RUSC2: variants seen among roughly 807,000 people sequenced by gnomAD.
RUSC2 encodes RUN and SH3 domain containing 2.
Under a neutral mutation model 122.2 loss-of-function variants are expected in RUSC2, and 34 were observed. That is an observed-to-expected ratio of 0.28 (90% CI 0.21 to 0.37). RUSC2 has a LOEUF of 0.37. RUSC2 is among the 10% of genes least tolerant of loss of function. The pLI, the probability that RUSC2 is intolerant of heterozygous loss-of-function variation, is 1.00. For synonymous variants in RUSC2, 784 were observed against 790.0 expected, an observed-to-expected ratio of 0.99 and a Z score of 0.13; for missense variants, 1,747 against 1,952.4, an observed-to-expected ratio of 0.89 and a Z score of 1.98.
chr9:35,507,031 C>T (rs1383694598), intron 1 of RUSC2, among the ~76,000 whole-genome samples: 2 of 152,006 alleles, frequency 1.3e-5, no homozygotes, highest in Non-Finnish European at 2.9e-5. Context: ...GTGGGAGGAT[C>T]ATTTGAGCCT....
chr9:35,503,204 C>T (rs556443715), intron 1 of RUSC2, among the ~76,000 whole-genome samples: 9 of 152,192 alleles, frequency 5.9e-5, no homozygotes, highest in African/African-American at 1.9e-4. Context: ...TTGGTGCACC[C>T]ATCACCTGAG....
chr9:35,490,798 C>T (rs1358150985), intron 1 of RUSC2, among the ~76,000 whole-genome samples: 1 of 152,216 alleles, frequency 6.6e-6, no homozygotes, highest in Non-Finnish European at 1.5e-5. Context: ...TCACTTGCCG[C>T]GAAGGGCACG....
At chr9:35,492,649 G>C (rs559247997) in intron 1 of RUSC2, among the ~76,000 whole-genome samples, 16 of 149,798 alleles carry the variant, frequency 1.1e-4, no homozygotes, top group African/African-American at 3.5e-4. Context: ...AACCTGTGCT[G>C]TACCATATTT....
chr9:35,500,718 A>T (rs768689748), intron 1 of RUSC2, among the ~76,000 whole-genome samples: 3 of 152,184 alleles, frequency 2.0e-5, no homozygotes, highest in Non-Finnish European at 4.4e-5. Context: ...ACTTTGAAGG[A>T]CATATCTTAT....
At chr9:35,560,936 C>A in intron 10 of RUSC2, 24 bp from the exon 11 acceptor site, 1 of 1,610,158 alleles carries the variant, frequency 6.2e-7, no homozygotes, top group South Asian at 1.1e-5. Flanking sequence ...CTGGGCAGAG[C>A]CTGAGTCCAG....
chr9:35,547,478 C>T lies in RUSC2; in HGVS notation c.957C>T (p.Ala319=), dbSNP rs1456649545. The change falls in exon 2 of 12, where the codon GCC becomes GCT. Residue 319 remains alanine, a synonymous_variant. Transcript: ENST00000361226. This position sits in a 1 kb window ranked among gnomAD's most constrained non-coding sequence, Gnocchi z 4.6. ...TCTGCAGCCACTCAGACCCTGGCGC[C>T]TTCTATCTGGATCTGCAGCCCTCCC... ...SSFCSHSDPG[A]FYLDLQPSPF... 1 of 1,614,102 alleles carries T rather than the reference C, an allele frequency of 6.2e-7. No individual in the cohort carries two copies. The highest frequency in any genetic ancestry group is 8.5e-7 in the Non-Finnish European group (1 of 1,180,042).
chr9:35,504,534 C>T (rs373065797), intron 1 of RUSC2, among the ~76,000 whole-genome samples: 1 of 150,174 alleles, frequency 6.7e-6, no homozygotes, highest in Non-Finnish European at 1.5e-5. Context: ...GGCACAATCT[C>T]GGCTCACCGC....
intron 1 of RUSC2, among the ~76,000 whole-genome samples, chr9:35,539,543 TTCTC>T (rs1431406077): frequency 6.8e-6 from 1 of 146,064 alleles, no homozygotes; most frequent in Non-Finnish European, 1.5e-5. Flanking sequence ...TGGGAAACCT[TTCTC>T]TCCACACACA....
At chr9:35,533,116 G>A (rs565589184) in intron 1 of RUSC2, among the ~76,000 whole-genome samples, 3 of 151,974 alleles carry the variant, frequency 2.0e-5, no homozygotes, top group East Asian at 1.9e-4. Context: ...GCATAGTGGC[G>A]CATGCCTGTA....
At chr9:35,526,034 A>G (rs1447137379) in intron 1 of RUSC2, among the ~76,000 whole-genome samples, 3 of 152,236 alleles carry the variant, frequency 2.0e-5, no homozygotes, top group Non-Finnish European at 4.4e-5. Flanking sequence ...AGTGCTTTAT[A>G]TTTCTATAAA....
chr9:35,500,273 A>AAGAGAG (rs10672783), intron 1 of RUSC2, among the ~76,000 whole-genome samples: 1 of 151,342 alleles, frequency 6.6e-6, no homozygotes, highest in African/African-American at 2.4e-5. Flanking sequence ...ATGACAGGCA[A>AAGAGAG]AGAGAGAGAG....
chr9:35,554,240 C>T (rs1033949434), intron 2 of RUSC2, among the ~76,000 whole-genome samples: 16 of 152,092 alleles, frequency 1.1e-4, no homozygotes, highest in Admixed American at 3.3e-4. Context: ...TTCTGAGCAC[C>T]ACGTTTTGAA....
chr9:35,543,771 A>G (rs1821689695), intron 1 of RUSC2, among the ~76,000 whole-genome samples: 1 of 152,076 alleles, frequency 6.6e-6, no homozygotes, highest in Non-Finnish European at 1.5e-5. Context: ...GCCTGGCCTG[A>G]TTTCAGGACA....
At position 35,557,141 on chromosome 9, in the gene RUSC2, A is replaced by ATT. The variant is rs1376611716; in HGVS notation, c.2983+695_2983+696dup. Among the ~76,000 whole-genome samples, 2 of 152,158 alleles carry ATT rather than the reference A, an allele frequency of 1.3e-5. No homozygotes were observed. The highest frequency in any genetic ancestry group is 1.3e-4 in the Admixed American group (2 of 15,274). On this transcript the variant is annotated intron_variant, in intron 5 of 11. Coordinates refer to ENST00000361226, the MANE Select transcript of RUSC2 (RefSeq NM_014806.5). The surrounding 1 kb of genome is among the most constrained non-coding windows in gnomAD (Gnocchi z 4.6). ...GATGAAGATTGACAAGACCCACACT[A>ATT]TTTAGCAAATAAGTGACCACTGAAC...
chr9:35,544,557 C>T (rs191527333), intron 1 of RUSC2, among the ~76,000 whole-genome samples: 1 of 152,286 alleles, frequency 6.6e-6, no homozygotes, highest in East Asian at 1.9e-4. Flanking sequence ...TCTCCCACCT[C>T]GGCCTCCCAA....
At chr9:35,523,366 A>G (rs1821252250) in intron 1 of RUSC2, among the ~76,000 whole-genome samples, 1 of 152,234 alleles carries the variant, frequency 6.6e-6, no homozygotes, top group Non-Finnish European at 1.5e-5. Context: ...ATGTACCTTG[A>G]TTACGTAAGA....
At chr9:35,560,895 G>C in intron 10 of RUSC2, 44 bp downstream of exon 10, 1 of 1,584,154 alleles carries the variant, frequency 6.3e-7, no homozygotes, top group Non-Finnish European at 8.6e-7. Flanking sequence ...TAGGGAGCCT[G>C]CTGTAAGCCA....
At chr9:35,551,874 A>T (rs1024111330) in intron 2 of RUSC2, among the ~76,000 whole-genome samples, 1 of 151,610 alleles carries the variant, frequency 6.6e-6, no homozygotes, top group African/African-American at 2.4e-5. Context: ...AGCCTGGGCA[A>T]TATAGTGAGA....
chr9:35,540,118 CCAG>C (rs1821613334), intron 1 of RUSC2, among the ~76,000 whole-genome samples: 1 of 152,136 alleles, frequency 6.6e-6, no homozygotes. Flanking sequence ...ACCTGTAATC[CCAG>C]CACTTTGAGA....
Sources: gnomAD v4.1 joint callset for allele counts (sites outside exome capture counted in the v4.1 genomes callset) on GRCh38, gnomAD v4.1.1 for gene constraint, Gnocchi (gnomAD v3.1) non-coding constraint, MANE v1.5 for transcripts, NCBI Gene and HGNC (gene_info 2026-07-23, HGNC 2026-07-21) for gene names.